Variants in COL5A1 observed in about 807,000 individuals in gnomAD.
COL5A1 encodes collagen alpha-1(V) chain.
Under a neutral mutation model 263.7 loss-of-function variants are expected in COL5A1, and 16 were observed. That is an observed-to-expected ratio of 0.06 (90% confidence interval 0.04 to 0.09). The LOEUF (loss-of-function observed/expected upper bound fraction) is 0.09, where lower values mean the gene tolerates loss of function less well. COL5A1 is among the 10% of genes least tolerant of loss of function. COL5A1 has a pLI of 1.00. For missense variants in COL5A1, 2,036 were observed against 2,540.5 expected, an observed-to-expected ratio of 0.80 and a Z score of 4.27; for synonymous variants, 1,012 against 1,004.5, an observed-to-expected ratio of 1.01 and a Z score of -0.14.
At chr9:134,715,991 G>A (rs963721942) in intron 4 of COL5A1, among the ~76,000 whole-genome samples, 1 of 151,978 alleles carries the variant, frequency 6.6e-6, no homozygotes, top group Non-Finnish European at 1.5e-5. Flanking sequence ...TGGTGGTGGT[G>A]GTGGTGGTGG....
intron 20 of COL5A1, among the ~76,000 whole-genome samples, chr9:134,764,164 G>A (rs915157660): frequency 6.8e-6 from 1 of 146,392 alleles, no homozygotes; most frequent in Non-Finnish European, 1.5e-5. Flanking sequence ...AGGGTCCAGG[G>A]TCAGCATGGG....
In COL5A1 at chr9:134,794,332, A is replaced by G. The variant is rs1837819784; in HGVS notation, c.2701-750A>G. Reference sequence around the variant, plus strand: ...GAGCAAGACTCTGTCTAAAAAAAAAAAAAAAGAAACAAAAAAGAAACCAGT... The same window carrying G: ...GAGCAAGACTCTGTCTAAAAAAAAAGAAAAAGAAACAAAAAAGAAACCAGT... On this transcript the variant is annotated intron_variant, in intron 32 of 65. Coordinates refer to ENST00000371817, the MANE Select transcript of COL5A1 (RefSeq NM_000093.5). The surrounding 1 kb of genome is among the most constrained non-coding windows in gnomAD (Gnocchi z 4.3). Among the ~76,000 whole-genome samples, 1 of 151,956 alleles carries G rather than the reference A, an allele frequency of 6.6e-6. No homozygotes were observed. The highest frequency in any genetic ancestry group is 1.5e-5 in the Non-Finnish European group (1 of 67,966).
chr9:134,746,928 G>A (rs1835536079), intron 11 of COL5A1, among the ~76,000 whole-genome samples: 2 of 152,224 alleles, frequency 1.3e-5, no homozygotes, highest in South Asian at 2.1e-4. Context: ...TCGCTGGCCC[G>A]TGCTTTGTGT....
intron 4 of COL5A1, among the ~76,000 whole-genome samples, chr9:134,707,857 G>A (rs1398912291): frequency 6.6e-6 from 1 of 152,190 alleles, no homozygotes; most frequent in Admixed American, 6.5e-5. Flanking sequence ...CCAGGGGAGG[G>A]AAGCGCAACC....
At chr9:134,812,368 G>A in intron 46 of COL5A1, 81 bp from the exon 47 acceptor site, 2 of 1,426,476 alleles carry the variant, frequency 1.4e-6, no homozygotes, top group Non-Finnish European at 2.0e-6. Flanking sequence ...GTGCTGTGTG[G>A]GTGGAGGTCG....
rs552897374 is a variant in COL5A1, at chr9:134,839,261, G to A, written c.5371-2896G>A. ...AAATCCTGGTGTTTGTGCAGCTTTC[G>A]GCGCCTCTGGGGGGCCGTTCTGGCC... is the stretch of plus-strand genomic sequence containing the variant. On this transcript the variant is annotated intron_variant, in intron 65 of 65. Transcript: ENST00000371817. 1.1e-4 allele frequency among the ~76,000 whole-genome samples: 17 copies of A among 152,316 alleles called. No homozygotes were observed. The East Asian group carries it at 1.7e-3, about 16-fold the overall frequency.
intron 4 of COL5A1, among the ~76,000 whole-genome samples, chr9:134,726,581 G>A (rs1272911228): frequency 6.6e-6 from 1 of 151,550 alleles, no homozygotes; most frequent in Non-Finnish European, 1.5e-5. Context: ...GACGGATGGA[G>A]GAGTGGATGG....
Position 134,789,070 on chromosome 9 carries a change from C to T in COL5A1, c.2647-85C>T, listed in dbSNP as rs1837577801. On this transcript the variant is annotated intron_variant, in intron 31 of 65. Transcript: ENST00000371817. The surrounding 1 kb of genome is among the most constrained non-coding windows in gnomAD (Gnocchi z 4.8). Reference sequence around the variant, plus strand: ...GTCTGGGGCAGAGGCTGTGCACTGGCATGCAGGTGGTCCCCCAGGCGGCCC... The same window carrying T: ...GTCTGGGGCAGAGGCTGTGCACTGGTATGCAGGTGGTCCCCCAGGCGGCCC... 8.4e-7 allele frequency: 1 copy of T among 1,187,804 alleles called. No individual in the cohort carries two copies. The highest frequency in any genetic ancestry group is 1.2e-6 in the Non-Finnish European group (1 of 803,354). 73.6% of individuals were successfully genotyped at this position (1,187,804 alleles called of 1,614,324 possible).
intron 42 of COL5A1, among the ~76,000 whole-genome samples, chr9:134,808,650 C>T (rs533694767): frequency 1.3e-4 from 20 of 152,286 alleles, no homozygotes; most frequent in African/African-American, 4.8e-4. Context: ...GCATGCATAC[C>T]TGTGTACATA....
At chr9:134,645,599 T>C (rs1831450283) in intron 1 of COL5A1, among the ~76,000 whole-genome samples, 1 of 152,248 alleles carries the variant, frequency 6.6e-6, no homozygotes, top group Non-Finnish European at 1.5e-5. Context: ...GGCACTTGCC[T>C]GGCCTGTGGT....
intron 6 of COL5A1, among the ~76,000 whole-genome samples, chr9:134,729,366 C>T (rs1481372432): frequency 1.3e-5 from 2 of 152,152 alleles, no homozygotes; most frequent in Admixed American, 6.5e-5. Context: ...GGGTGTCCTC[C>T]TGGGGAGGAG....
chr9:134,819,896 C>T (rs1838924006), intron 57 of COL5A1, among the ~76,000 whole-genome samples: 1 of 152,224 alleles, frequency 6.6e-6, no homozygotes, highest in Non-Finnish European at 1.5e-5. Flanking sequence ...CTGTGGCTCC[C>T]TGTCTGTTTT....
intron 4 of COL5A1, among the ~76,000 whole-genome samples, chr9:134,704,034 CTTTAT>C (rs903538379): frequency 1.3e-5 from 2 of 152,128 alleles, no homozygotes; most frequent in African/African-American, 4.8e-5. Flanking sequence ...CAGGAAAAAG[CTTTAT>C]TTTATCTTTA....
intron 1 of COL5A1, among the ~76,000 whole-genome samples, chr9:134,669,641 C>T (rs1832481993): frequency 6.6e-6 from 1 of 152,100 alleles, no homozygotes. Context: ...AATCCAGTTG[C>T]AGCAGCAGCC....
In COL5A1 at chr9:134,738,169, C is replaced by T. The variant is rs7031437; in HGVS notation, c.1390-305C>T. 0.98 allele frequency among the ~76,000 whole-genome samples: 148,799 copies of T among 152,254 alleles called. 72,731 individuals carry two copies. Among genetic ancestry groups the T allele is most frequent in the East Asian group, 1 (5,161 of 5,162 alleles). On this transcript the variant is annotated intron_variant, in intron 9 of 65. Coordinates refer to ENST00000371817, the MANE Select transcript of COL5A1 (RefSeq NM_000093.5). ...CTTTGGGGTGATGCAGGGAGCCTGGCGGTCTCGGCTCCTTTTCCTCATCTC... is the reference window on the plus strand; with the variant it reads ...CTTTGGGGTGATGCAGGGAGCCTGGTGGTCTCGGCTCCTTTTCCTCATCTC...
chr9:134,817,546 G>A (rs1193006376), intron 53 of COL5A1, among the ~76,000 whole-genome samples: 1 of 152,146 alleles, frequency 6.6e-6, no homozygotes, highest in African/African-American at 2.4e-5. Flanking sequence ...CCTGGGACTG[G>A]AGTCCATAGG....
chr9:134,834,781 C>T (rs1424515922), intron 64 of COL5A1, among the ~76,000 whole-genome samples, 190 bp from the exon 65 acceptor site: 1 of 152,208 alleles, frequency 6.6e-6, no homozygotes, highest in African/African-American at 2.4e-5. Flanking sequence ...GCATGGTTCC[C>T]TTTGTTCCTG....
intron 43 of COL5A1, 116 bp from the exon 44 acceptor site, chr9:134,810,139 A>G: frequency 8.9e-7 from 1 of 1,127,706 alleles, no homozygotes; most frequent in Non-Finnish European, 1.4e-6. Flanking sequence ...GGAAAGTTTT[A>G]GGGCCACCTG....
chr9:134,733,167 GA>G (rs1834965101), intron 9 of COL5A1, among the ~76,000 whole-genome samples: 1 of 152,312 alleles, frequency 6.6e-6, no homozygotes, highest in African/African-American at 2.4e-5. Context: ...GGGTCTCCCA[GA>G]AGCCCCCTGA....
Sources: gnomAD v4.1 joint callset for allele counts (sites outside exome capture counted in the v4.1 genomes callset) on GRCh38, gnomAD v4.1.1 for gene constraint, Gnocchi (gnomAD v3.1) non-coding constraint, MANE v1.5 for transcripts, NCBI Gene and HGNC (gene_info 2026-07-23, HGNC 2026-07-21) for gene names.